Variants in PSD3 observed in about 807,000 individuals in gnomAD.
PSD3 encodes pleckstrin and Sec7 domain containing 3.
A neutral mutation model predicts 105.5 loss-of-function variants in PSD3; 49 were observed. The observed-to-expected ratio is 0.46, with a 90% CI of 0.37 to 0.59. PSD3 has a LOEUF of 0.59. Ranked by LOEUF, PSD3 falls within the 20% of genes least tolerant of loss-of-function variation. PSD3 has a pLI of 0.00. For missense variants in PSD3, 1,561 were observed against 1,263.8 expected (o/e 1.24, Z -3.57); for synonymous variants, 557 against 457.8 (o/e 1.22, Z -2.77).
At chr8:18,637,552 T>C (rs1425078575) in intron 10 of PSD3, among the ~76,000 whole-genome samples, 1 of 152,174 alleles carries the variant, frequency 6.6e-6, no homozygotes, top group Non-Finnish European at 1.5e-5. Flanking sequence ...TATAAAATGG[T>C]TTCTTGCATT....
At chr8:18,538,007 T>G (rs1404200619) in intron 15 of PSD3, among the ~76,000 whole-genome samples, 1 of 152,154 alleles carries the variant, frequency 6.6e-6, no homozygotes, top group Non-Finnish European at 1.5e-5. Flanking sequence ...CTCCTTAACA[T>G]GGACATGACT....
chr8:18,538,649 T>A (rs1005850939), intron 15 of PSD3, among the ~76,000 whole-genome samples: 5 of 152,174 alleles, frequency 3.3e-5, no homozygotes, highest in African/African-American at 4.8e-5. Context: ...GAAAAATTGT[T>A]TAGATCACTT....
intron 4 of PSD3, among the ~76,000 whole-genome samples, chr8:18,832,415 T>C (rs1309775703): frequency 6.6e-6 from 1 of 152,016 alleles, no homozygotes; most frequent in Non-Finnish European, 1.5e-5. Flanking sequence ...AGGATAAAAC[T>C]CAAACGTTTT....
At chr8:18,616,652 C>T (rs1172952488) in intron 11 of PSD3, among the ~76,000 whole-genome samples, 4 of 96,746 alleles carry the variant, frequency 4.1e-5, no homozygotes, top group Non-Finnish European at 8.8e-5. Flanking sequence ...GAGACGGAGT[C>T]TCGCTCTGTC....
At chr8:18,991,492 T>C (rs1825804760) in intron 1 of PSD3, among the ~76,000 whole-genome samples, 1 of 152,068 alleles carries the variant, frequency 6.6e-6, no homozygotes, top group Non-Finnish European at 1.5e-5. Context: ...CAGGGCCTTC[T>C]CTGACTGCTT....
chr8:18,801,474 T>C (rs866155439), intron 6 of PSD3, 92 bp from the exon 7 acceptor site: 6 of 689,816 alleles, frequency 8.7e-6, no homozygotes, highest in Middle Eastern at 3.9e-4. Flanking sequence ...AAACCTAAGA[T>C]ATTAATTATA....
chr8:18,728,552 T>C (rs1382287964), intron 9 of PSD3, among the ~76,000 whole-genome samples: 1 of 151,994 alleles, frequency 6.6e-6, no homozygotes. Context: ...ACAGAGTGTT[T>C]AGGAAAAGTG....
At chr8:18,776,099 A>C (rs1450741140) in intron 8 of PSD3, among the ~76,000 whole-genome samples, 2 of 151,866 alleles carry the variant, frequency 1.3e-5, no homozygotes, top group Non-Finnish European at 2.9e-5. Flanking sequence ...TTATTGAAGA[A>C]ACTCCCCATT....
At chr8:18,625,734 T>C (rs939886505) in intron 11 of PSD3, among the ~76,000 whole-genome samples, 1 of 152,214 alleles carries the variant, frequency 6.6e-6, no homozygotes, top group Non-Finnish European at 1.5e-5. Context: ...TATTCTATAC[T>C]ACATCCTTGG....
At chr8:19,064,309 G>T (rs770777690) in intron 1 of PSD3, among the ~76,000 whole-genome samples, 3 of 151,898 alleles carry the variant, frequency 2.0e-5, no homozygotes, top group Non-Finnish European at 4.4e-5. Context: ...TGCTTAAATG[G>T]CTTCTTTTTT....
At chr8:19,013,939 C>CGGGGGAG (rs1490802333), upstream of PSD3, 1 of 152,150 alleles carries the variant, frequency 6.6e-6, no homozygotes, top group African/African-American at 2.4e-5. Context: ...GCGGGGCCTC[C>CGGGGGAG]GGGGGAGGCT....
chr8:18,767,145 T>A (rs931817536), intron 8 of PSD3, among the ~76,000 whole-genome samples: 3 of 152,130 alleles, frequency 2.0e-5, no homozygotes, highest in African/African-American at 7.2e-5. Context: ...CCAAGCTGGT[T>A]TAAGGACAAT....
chr8:18,899,292 A>G (rs1164338878), intron 2 of PSD3, among the ~76,000 whole-genome samples: 1 of 152,034 alleles, frequency 6.6e-6, no homozygotes, highest in Non-Finnish European at 1.5e-5. Context: ...CTTTTTTCCC[A>G]TATCTACAAT....
At chr8:18,607,537 A>G (rs959571087) in intron 11 of PSD3, among the ~76,000 whole-genome samples, 24 of 152,126 alleles carry the variant, frequency 1.6e-4, no homozygotes, top group African/African-American at 5.8e-4. Context: ...GTTTCCATAC[A>G]GAGAAAGGCC....
intron 4 of PSD3, among the ~76,000 whole-genome samples, chr8:18,811,626 C>T (rs1176682101): frequency 6.6e-6 from 1 of 152,110 alleles, no homozygotes; most frequent in Admixed American, 6.6e-5. Flanking sequence ...GAGAAGGCAA[C>T]ATTTGAGCAA....
intron 10 of PSD3, among the ~76,000 whole-genome samples, chr8:18,646,264 G>A (rs905547978): frequency 3.3e-5 from 5 of 151,806 alleles, no homozygotes; most frequent in South Asian, 4.1e-4. Context: ...TAACTTTTTC[G>A]AGCAAGAAAG....
intron 1 of PSD3, among the ~76,000 whole-genome samples, chr8:18,961,967 A>T (rs2129471213): frequency 6.6e-6 from 1 of 152,090 alleles, no homozygotes; most frequent in Admixed American, 6.6e-5. Flanking sequence ...CACTTTGCAA[A>T]AATTTTATAT....
chr8:18,633,062 C>G (rs1258472025), intron 10 of PSD3, among the ~76,000 whole-genome samples: 1 of 151,918 alleles, frequency 6.6e-6, no homozygotes, highest in Non-Finnish European at 1.5e-5. Context: ...TTTAAATGTA[C>G]AAGGCCACAG....
chr8:18,956,279 C>T (rs1823569700), intron 1 of PSD3, among the ~76,000 whole-genome samples: 1 of 152,108 alleles, frequency 6.6e-6, no homozygotes, highest in Non-Finnish European at 1.5e-5. Context: ...CAGGGCTTCT[C>T]AAACTGGGGT....
Sources: allele counts gnomAD v4.1 joint callset (sites outside exome capture counted in the v4.1 genomes callset), GRCh38; gene constraint gnomAD v4.1.1; transcripts MANE v1.5; gene names NCBI Gene and HGNC (gene_info 2026-07-23, HGNC 2026-07-21).